Variants in PDGFA observed in about 807,000 individuals in gnomAD.
The protein encoded by PDGFA is platelet derived growth factor subunit A.
PDGFA carries 9 observed loss-of-function variants against 25.6 expected under a neutral mutation model. That is an observed-to-expected ratio of 0.35 (90% CI 0.21 to 0.61). The LOEUF (loss-of-function observed/expected upper bound fraction) is 0.61. Among genes scored for constraint, PDGFA ranks in the 20% least tolerant of loss-of-function variants. PDGFA has a pLI of 0.75. For synonymous variants in PDGFA, 133 were observed against 111.8 expected (o/e 1.19, Z -1.20); for missense variants, 242 against 272.8 (o/e 0.89, Z 0.79).
chr7:504,085 T>C (rs1272710521), intron 4 of PDGFA, among the ~76,000 whole-genome samples: 1 of 151,952 alleles, frequency 6.6e-6, no homozygotes, highest in African/African-American at 2.4e-5. Flanking sequence ...ACCCAGGAGT[T>C]GAGGAATAAA....
chr7:512,369 G>A (rs2128402121), exon 3 of PDGFA: 5 of 1,613,312 alleles, frequency 3.1e-6, no homozygotes, highest in South Asian at 1.1e-5. Flanking sequence ...CTCTTCCTCC[G>A]AATGGGCAGG....
chr7:497,509 AAC>A (rs1051425963), exon 6 of PDGFA: 2 of 152,262 alleles, frequency 1.3e-5, no homozygotes, highest in Non-Finnish European at 2.9e-5. Flanking sequence ...GCACACCAAC[AAC>A]ACAGACAGAA....
intron 4 of PDGFA, among the ~76,000 whole-genome samples, chr7:506,287 G>C (rs991299450): frequency 6.7e-6 from 1 of 150,070 alleles, no homozygotes; most frequent in Non-Finnish European, 1.5e-5. Context: ...TTATAACAAA[G>C]AAAAAAAAAG....
exon 3 of PDGFA, chr7:512,404 G>T: frequency 6.2e-7 from 1 of 1,613,796 alleles, no homozygotes; most frequent in Non-Finnish European, 8.5e-7. Flanking sequence ...CACATGCTTA[G>T]TGGCATGGAC....
At chr7:505,962 T>C (rs937162991) in intron 4 of PDGFA, among the ~76,000 whole-genome samples, 5 of 151,388 alleles carry the variant, frequency 3.3e-5, no homozygotes, top group Non-Finnish European at 7.4e-5. Flanking sequence ...TCACCTGAGG[T>C]CAGGAGTTCA....
At chr7:514,393 G>C (rs952289699) in intron 2 of PDGFA, among the ~76,000 whole-genome samples, 1 of 152,168 alleles carries the variant, frequency 6.6e-6, no homozygotes, top group African/African-American at 2.4e-5. Flanking sequence ...CTTGAGACAA[G>C]GGACAGAGGG....
chr7:505,780 G>A (rs894200140), intron 4 of PDGFA, among the ~76,000 whole-genome samples: 9 of 152,152 alleles, frequency 5.9e-5, no homozygotes, highest in Non-Finnish European at 8.8e-5. Context: ...CGGAAAGAAA[G>A]CCTAGAGTCC....
chr7:500,400 A>G lies in PDGFA; in HGVS notation c.580+716T>C. ...AGTCAGTTGCACCTCCCCGCCCTGC[A>G]GGACTCAGTGTGTCCGGCAGACAGT... On this transcript the variant is annotated intron_variant, in intron 5 of 5. Transcript: ENST00000402802. The surrounding 1 kb of genome is among the most constrained non-coding windows in gnomAD (Gnocchi z 5.0). 3.1e-6 allele frequency: 5 copies of G among 1,606,466 alleles called. No homozygotes were observed. The highest frequency in any genetic ancestry group is 4.3e-6 in the Non-Finnish European group (5 of 1,173,032).
intron 3 of PDGFA, 77 bp from the exon 4 acceptor site, chr7:511,073 G>T: frequency 8.2e-7 from 1 of 1,221,254 alleles, no homozygotes; most frequent in Non-Finnish European, 1.2e-6. Context: ...GGCGGCTCCA[G>T]CTGGGCCTGG....
At chr7:502,809 C>CACACACACAT (rs1554273862) in intron 4 of PDGFA, among the ~76,000 whole-genome samples, 98 of 132,228 alleles carry the variant, frequency 7.4e-4, no homozygotes, top group African/African-American at 2.8e-3. Flanking sequence ...CACACACACA[C>CACACACACAT]ATAATGCACA....
intron 5 of PDGFA, among the ~76,000 whole-genome samples, chr7:499,165 C>A (rs1346869354): frequency 6.6e-6 from 1 of 152,208 alleles, no homozygotes; most frequent in African/African-American, 2.4e-5. Context: ...ACCAGCAGGC[C>A]CATGGAGGCC....
At chr7:519,030 G>A (rs1303337522) in exon 1 of PDGFA, 1 of 1,510,644 alleles carries the variant, frequency 6.6e-7, no homozygotes, top group Non-Finnish European at 8.9e-7. Flanking sequence ...CTGCTCGGAG[G>A]AGAGGCGAGG....
rs370198917 is a variant in PDGFA, at chr7:500,128, G to A, written c.580+988C>T. On this transcript the variant is annotated intron_variant, in intron 5 of 5. Transcript: ENST00000402802. This position sits in a 1 kb window ranked among gnomAD's most constrained non-coding sequence, Gnocchi z 5.0. ...GCCAGGCGCTCAGAGCTGCCCCACC[G>A]CTGCTCAGGTCGCCCAACCTGTTCC... Among the ~76,000 whole-genome samples, 33 of 152,300 alleles carry A rather than the reference G, an allele frequency of 2.2e-4. 1 individual carries two copies. In the South Asian group the frequency reaches 5.2e-3, roughly 24 times the overall value.
intron 4 of PDGFA, among the ~76,000 whole-genome samples, chr7:507,384 A>T (rs2128396845): frequency 6.6e-6 from 1 of 152,326 alleles, no homozygotes; most frequent in African/African-American, 2.4e-5. Context: ...ACCACTGCAC[A>T]GAGCAAAGCA....
chr7:508,590 T>TAAAAAC (rs1275774675), intron 4 of PDGFA, among the ~76,000 whole-genome samples: 3 of 130,890 alleles, frequency 2.3e-5, no homozygotes, highest in South Asian at 2.4e-4. Context: ...AAAAAAAAAT[T>TAAAAAC]CTCAGCTGAG....
intron 4 of PDGFA, 70 bp from the exon 5 acceptor site, chr7:501,312 C>T: frequency 6.3e-7 from 1 of 1,595,352 alleles, no homozygotes; most frequent in Non-Finnish European, 8.6e-7. Context: ...GTGCTGGGAG[C>T]CGGGGACAGG....
At chr7:502,532 G>A (rs573936641) in intron 4 of PDGFA, among the ~76,000 whole-genome samples, 1 of 152,182 alleles carries the variant, frequency 6.6e-6, no homozygotes, top group African/African-American at 2.4e-5. Context: ...CAGGCCAGCA[G>A]GCCGTGGCTA....
chr7:514,887 C>T (rs551672857), intron 2 of PDGFA, among the ~76,000 whole-genome samples: 9 of 152,352 alleles, frequency 5.9e-5, no homozygotes, highest in Admixed American at 1.3e-4. Context: ...GCACACCCTC[C>T]GAATGAAACG....
intron 2 of PDGFA, among the ~76,000 whole-genome samples, chr7:516,542 GGCCGAGT>G (rs1783109290): frequency 6.6e-6 from 1 of 152,186 alleles, no homozygotes; most frequent in Admixed American, 6.5e-5. Context: ...GGAGTTCCCA[GGCCGAGT>G]GCTCATTTTG....
Sources: gnomAD v4.1 joint callset for allele counts (sites outside exome capture counted in the v4.1 genomes callset) on GRCh38, gnomAD v4.1.1 for gene constraint, Gnocchi (gnomAD v3.1) non-coding constraint, MANE v1.5 for transcripts, NCBI Gene and HGNC (gene_info 2026-07-23, HGNC 2026-07-21) for gene names.